Variants in TARBP1 observed in about 807,000 individuals in gnomAD.
TARBP1 encodes the protein tRNA guanosine 2 -O-methyltransferase TARBP1.
A neutral mutation model predicts 178.6 loss-of-function variants in TARBP1; 144 were observed. The ratio of observed to expected loss-of-function variants is 0.81; its 90% CI spans 0.70 to 0.93. TARBP1 has a LOEUF of 0.93. TARBP1 is among the 40% of genes least tolerant of loss of function. The probability of loss-of-function intolerance (pLI) is 0.00; values close to 1 mark genes in which losing one functional copy is unlikely to be tolerated. For synonymous variants in TARBP1, 787 were observed against 781.0 expected (o/e 1.01, Z -0.13); for missense variants, 2,067 against 2,011.7 (o/e 1.03, Z -0.53).
At chr1:234,419,097 TG>T (rs1415080676) in intron 21 of TARBP1, among the ~76,000 whole-genome samples, 2 of 151,490 alleles carry the variant, frequency 1.3e-5, no homozygotes, top group African/African-American at 4.8e-5. Flanking sequence ...GCGTGAACCC[TG>T]GGGGGCGGAG....
chr1:234,459,348 T>C (rs767291279), intron 7 of TARBP1, 22 bp from the exon 8 acceptor site: 2 of 1,556,868 alleles, frequency 1.3e-6, no homozygotes, highest in Admixed American at 1.9e-5. Flanking sequence ...ACACAAAAAA[T>C]GCAGTTCCGT....
In TARBP1 at chr1:234,429,412, T is replaced by C. The variant is rs947100826; in HGVS notation, c.2871+4A>G. 3 of 1,607,762 alleles carry C rather than the reference T, an allele frequency of 1.9e-6. No individual in the cohort carries two copies. The highest frequency in any genetic ancestry group is 2.5e-6 in the Non-Finnish European group (3 of 1,177,802). On this transcript the variant is annotated splice_donor_region_variant and intron_variant, in intron 16 of 29. Transcript: ENST00000040877. ...TGTTCAATTCATGTTTCACTCTATC[T>C]TACCTTGGGAACCAACACTTTCAAG...
At chr1:234,472,941 C>A in intron 1 of TARBP1, 130 bp from the exon 2 acceptor site, 1 of 734,690 alleles carries the variant, frequency 1.4e-6, no homozygotes, top group South Asian at 1.6e-5. Flanking sequence ...GCCCCTGTAT[C>A]AGAGCCTGGA....
intron 12 of TARBP1, among the ~76,000 whole-genome samples, chr1:234,443,057 G>A (rs552630382): frequency 7.2e-5 from 11 of 152,220 alleles, no homozygotes; most frequent in South Asian, 4.2e-4. Flanking sequence ...TTGGGAGGTC[G>A]AGGCAGGCGG....
At chr1:234,452,995 G>T (rs956182355) in intron 9 of TARBP1, among the ~76,000 whole-genome samples, 1 of 152,162 alleles carries the variant, frequency 6.6e-6, no homozygotes, top group Non-Finnish European at 1.5e-5. Flanking sequence ...CAACTATGTG[G>T]CATTATGGAA....
intron 1 of TARBP1, among the ~76,000 whole-genome samples, chr1:234,475,538 T>C (rs894696250): frequency 1.3e-5 from 2 of 152,168 alleles, no homozygotes; most frequent in African/African-American, 4.8e-5. Flanking sequence ...CCACAGACAC[T>C]CACGCAGAAT....
chr1:234,426,229 G>T (rs1464640695), intron 19 of TARBP1, among the ~76,000 whole-genome samples: 1 of 152,194 alleles, frequency 6.6e-6, no homozygotes, highest in Non-Finnish European at 1.5e-5. Context: ...CAACTGAGGG[G>T]CAAACTCAGG....
At chr1:234,392,199 C>T (rs560819613) in intron 29 of TARBP1, among the ~76,000 whole-genome samples, 3 of 152,126 alleles carry the variant, frequency 2.0e-5, no homozygotes, top group Middle Eastern at 3.4e-3. Flanking sequence ...CCCTGGGTCT[C>T]GTGGAGCATG....
intron 9 of TARBP1, among the ~76,000 whole-genome samples, chr1:234,457,082 G>A (rs566440800): frequency 6.6e-6 from 1 of 152,172 alleles, no homozygotes; most frequent in Admixed American, 6.5e-5. Context: ...TGAGGAAAAG[G>A]GTGGCACAGT....
chr1:234,433,973 T>G, intron 13 of TARBP1, among the ~76,000 whole-genome samples: 1 of 152,210 alleles, frequency 6.6e-6, no homozygotes, highest in East Asian at 1.9e-4. Context: ...AAGATCACTG[T>G]CCCACTTTCA....
At position 234,479,151 on chromosome 1, in the gene TARBP1, G is replaced by GGCGTGTGCGAT; in HGVS notation, c.-59_-49dup. On this transcript the variant is annotated 5_prime_UTR_variant, in exon 1 of 30. Coordinates refer to ENST00000040877, the MANE Select transcript of TARBP1 (RefSeq NM_005646.4). ...GCCCGGGCTCCCAAAGGAAGGCGCC[G>GGCGTGTGCGAT]GCGTGTGCGATGCGTGCGCACAGGA... 2 of 1,461,526 alleles carry GGCGTGTGCGAT rather than the reference G, an allele frequency of 1.4e-6. No individual in the cohort carries two copies. 90.5% of individuals were successfully genotyped at this position (1,461,526 alleles called of 1,614,324 possible).
At chr1:234,395,550 C>T (rs1019593967) in intron 26 of TARBP1, among the ~76,000 whole-genome samples, 1 of 152,184 alleles carries the variant, frequency 6.6e-6, no homozygotes, top group Non-Finnish European at 1.5e-5. Context: ...ATAGGGCATA[C>T]AGAGCAGGCA....
intron 22 of TARBP1, among the ~76,000 whole-genome samples, chr1:234,415,663 G>A (rs1662339197): frequency 6.6e-6 from 1 of 152,172 alleles, no homozygotes; most frequent in African/African-American, 2.4e-5. Flanking sequence ...ACTTAGAGAA[G>A]CAGAGCTCAC....
intron 2 of TARBP1, among the ~76,000 whole-genome samples, chr1:234,472,199 C>T (rs1006951775): frequency 1.3e-5 from 2 of 151,612 alleles, no homozygotes; most frequent in South Asian, 2.1e-4. Context: ...TAGCCAGTGT[C>T]GTGGCTGTAG....
chr1:234,432,129 C>A (rs1364112830), intron 14 of TARBP1, among the ~76,000 whole-genome samples: 2 of 129,144 alleles, frequency 1.5e-5, no homozygotes, highest in African/African-American at 5.9e-5. Flanking sequence ...AGCGAAACTC[C>A]GTCTCCAAAA....
Position 234,393,441 on chromosome 1 carries a change from A to G in TARBP1, c.4481T>C (p.Val1494Ala), listed in dbSNP as rs1659605695. 2 of 1,610,526 alleles carry G rather than the reference A, an allele frequency of 1.2e-6. No individual in the cohort carries two copies. The highest frequency in any genetic ancestry group is 2.2e-5 in the East Asian group (1 of 44,874). The change falls in exon 28 of 30, where the codon GTT becomes GCT. Residue 1494 changes from valine to alanine, a missense_variant. Transcript: ENST00000040877. The part of the protein sequence containing the change: ...CEVFGASVLV[V>A]GSLQCISDKQ... Reference sequence around the variant, plus strand: ...GTCGCTGATACACTGAAGGCTGCCAACAACGAGCACTGAAGCCCCAAATAC... The same window carrying G: ...GTCGCTGATACACTGAAGGCTGCCAGCAACGAGCACTGAAGCCCCAAATAC...
chr1:234,438,292 G>T (rs1572325380), intron 12 of TARBP1, among the ~76,000 whole-genome samples: 1 of 151,062 alleles, frequency 6.6e-6, no homozygotes, highest in South Asian at 2.1e-4. Flanking sequence ...AGCTGATATG[G>T]AAAAAAAAAT....
chr1:234,430,749 A>G (rs1302358961), intron 14 of TARBP1, among the ~76,000 whole-genome samples: 1 of 152,194 alleles, frequency 6.6e-6, no homozygotes, highest in Non-Finnish European at 1.5e-5. Context: ...CAGGTTACAA[A>G]TAATTCCTTC....
intron 20 of TARBP1, among the ~76,000 whole-genome samples, chr1:234,422,014 T>G (rs886087750): frequency 2.6e-5 from 4 of 152,242 alleles, no homozygotes; most frequent in African/African-American, 4.8e-5. Flanking sequence ...TCATAATCTC[T>G]ATATAATTTC....
Sources: allele counts gnomAD v4.1 joint callset (sites outside exome capture counted in the v4.1 genomes callset), GRCh38; gene constraint gnomAD v4.1.1; transcripts MANE v1.5; gene names NCBI Gene and HGNC (gene_info 2026-07-23, HGNC 2026-07-21).